Variants in C1GALT1 observed in about 807,000 individuals in gnomAD.
C1GALT1 encodes core 1 synthase, glycoprotein-N-acetylgalactosamine 3-beta-galactosyltransferase 1.
Under a neutral mutation model 31.0 loss-of-function variants are expected in C1GALT1, and 11 were observed. That is an observed-to-expected ratio of 0.36 (90% confidence interval 0.22 to 0.59). The LOEUF (loss-of-function observed/expected upper bound fraction) is 0.59. Among genes scored for constraint, C1GALT1 ranks in the 20% least tolerant of loss-of-function variants. The probability of loss-of-function intolerance (pLI) is 0.79; values close to 1 mark genes in which losing one functional copy is unlikely to be tolerated. For synonymous variants in C1GALT1, 175 were observed against 143.6 expected, an observed-to-expected ratio of 1.22 and a Z score of -1.56; for missense variants, 424 against 425.2, an observed-to-expected ratio of 1.00 and a Z score of 0.03.
intron 2 of C1GALT1, among the ~76,000 whole-genome samples, chr7:7,170,490 A>T (rs62453511): frequency 2.0e-5 from 3 of 152,166 alleles, no homozygotes; most frequent in African/African-American, 7.2e-5. Flanking sequence ...ATTATTAAAC[A>T]TCTTATGTTA....
chr7:7,181,239 G>A (rs1780579029), upstream of C1GALT1, among the ~76,000 whole-genome samples: 1 of 152,104 alleles, frequency 6.6e-6, no homozygotes, highest in South Asian at 2.1e-4. Context: ...AGGATATTGC[G>A]GAAAGGTGGA....
intron 1 of C1GALT1, among the ~76,000 whole-genome samples, chr7:7,187,473 G>C (rs2128230340): frequency 6.6e-6 from 1 of 151,916 alleles, no homozygotes; most frequent in East Asian, 1.9e-4. Context: ...ATGTAAATGT[G>C]AGAAACAGTT....
chr7:7,159,871 A>G (rs1046774672), intron 2 of C1GALT1, among the ~76,000 whole-genome samples: 1 of 152,146 alleles, frequency 6.6e-6, no homozygotes, highest in Non-Finnish European at 1.5e-5. Context: ...CATACTTAAC[A>G]TGTAATGGAA....
intron 3 of C1GALT1, among the ~76,000 whole-genome samples, chr7:7,240,672 T>A (rs1413689356): frequency 1.3e-5 from 2 of 152,136 alleles, no homozygotes; most frequent in Non-Finnish European, 2.9e-5. Context: ...TTGTTCTTTC[T>A]CTAGAAATTT....
intron 1 of C1GALT1, among the ~76,000 whole-genome samples, chr7:7,214,489 G>A (rs972149342): frequency 6.6e-6 from 1 of 152,164 alleles, no homozygotes; most frequent in Non-Finnish European, 1.5e-5. Flanking sequence ...TTTTAATTAA[G>A]CTGAGCACTC....
At chr7:7,198,825 G>A (rs1781410812) in intron 1 of C1GALT1, among the ~76,000 whole-genome samples, 1 of 152,172 alleles carries the variant, frequency 6.6e-6, no homozygotes, top group Admixed American at 6.5e-5. Context: ...TTTGCATCAA[G>A]GTGTTTATAG....
At chr7:7,198,002 C>A (rs1438649977) in intron 1 of C1GALT1, among the ~76,000 whole-genome samples, 1 of 152,180 alleles carries the variant, frequency 6.6e-6, no homozygotes, top group African/African-American at 2.4e-5. Context: ...TTGACTTCCT[C>A]TTTTCCTAAT....
intron 1 of C1GALT1, among the ~76,000 whole-genome samples, chr7:7,215,157 T>C (rs1319362060): frequency 6.6e-6 from 1 of 152,166 alleles, no homozygotes; most frequent in Non-Finnish European, 1.5e-5. Context: ...ATGGAGGCTG[T>C]AGCCAAGTTT....
intron 1 of C1GALT1, among the ~76,000 whole-genome samples, chr7:7,201,473 T>C (rs991113875): frequency 1.3e-5 from 2 of 152,154 alleles, no homozygotes; most frequent in African/African-American, 4.8e-5. Context: ...GAGGAGGCAG[T>C]CTGTCTGTTC....
chr7:7,196,267 C>A (rs57539236), intron 1 of C1GALT1, among the ~76,000 whole-genome samples: 5 of 149,276 alleles, frequency 3.3e-5, no homozygotes, highest in Non-Finnish European at 5.9e-5. Flanking sequence ...CCTGTGTCCA[C>A]GTGTTCTCAT....
At chr7:7,226,688 A>T (rs1037092921) in intron 1 of C1GALT1, among the ~76,000 whole-genome samples, 3 of 150,802 alleles carry the variant, frequency 2.0e-5, no homozygotes, top group Admixed American at 6.6e-5. Context: ...TAGCGCCATT[A>T]AAAAAAACTG....
chr7:7,200,631 A>G (rs1054319503), intron 1 of C1GALT1, among the ~76,000 whole-genome samples: 15 of 152,132 alleles, frequency 9.9e-5, no homozygotes, highest in African/African-American at 3.4e-4. Context: ...TTTCAGGTAC[A>G]CCAATAAGAC....
intron 3 of C1GALT1, among the ~76,000 whole-genome samples, chr7:7,243,062 G>C (rs1470431508): frequency 6.6e-6 from 1 of 152,088 alleles, no homozygotes; most frequent in African/African-American, 2.4e-5. Flanking sequence ...TATAGATGAA[G>C]TGTATTGGGT....
chr7:7,237,870 C>T (rs928253358), intron 2 of C1GALT1, among the ~76,000 whole-genome samples: 23 of 152,144 alleles, frequency 1.5e-4, no homozygotes, highest in Admixed American at 1.4e-3. Context: ...CTATTTAAGG[C>T]AGCATTTAGC....
chr7:7,195,965 T>G (rs1233334868), intron 1 of C1GALT1, among the ~76,000 whole-genome samples: 1 of 152,192 alleles, frequency 6.6e-6, no homozygotes, highest in South Asian at 2.1e-4. Context: ...CAAGTCTGTT[T>G]CGTCTGAAAC....
At chr7:7,204,912 C>G (rs1781672088) in intron 1 of C1GALT1, among the ~76,000 whole-genome samples, 1 of 152,102 alleles carries the variant, frequency 6.6e-6, no homozygotes, top group Non-Finnish European at 1.5e-5. Context: ...TGCTATCTGT[C>G]TTTTAAAATC....
chr7:7,179,218 A>T (rs577979104), upstream of C1GALT1, among the ~76,000 whole-genome samples: 77 of 152,360 alleles, frequency 5.1e-4, no homozygotes, highest in Non-Finnish European at 9.6e-4. Flanking sequence ...GGCATGTTTT[A>T]TAGTCTCCCC....
upstream of C1GALT1, among the ~76,000 whole-genome samples, chr7:7,180,230 C>A (rs1780554993): frequency 6.6e-6 from 1 of 152,160 alleles, no homozygotes; most frequent in Non-Finnish European, 1.5e-5. Context: ...AGTTTTGAGT[C>A]CCACATATAA....
At position 7,245,463 on chromosome 7, in the gene C1GALT1, TCA is replaced by T. The variant is rs1181450986; in HGVS notation, c.*1739_*1740del. ...AAAGTGCTGGGATTACGAGCGTGAG[TCA>T]CAGCACCCGGCTAAGTAATTTCTAT... On this transcript the variant is annotated 3_prime_UTR_variant, in exon 4 of 4. Coordinates refer to ENST00000436587, the MANE Select transcript of C1GALT1 (RefSeq NM_020156.5). The T allele has an allele frequency of 2.6e-5, 4 of 152,168 alleles. No individual in the cohort carries two copies. The highest frequency in any genetic ancestry group is 5.9e-5 in the Non-Finnish European group (4 of 68,036). The allele number at this position is 152,168 out of a possible 1,614,324, so 9.4% of individuals were successfully genotyped here.
Sources: allele counts gnomAD v4.1 joint callset (sites outside exome capture counted in the v4.1 genomes callset), GRCh38; gene constraint gnomAD v4.1.1; transcripts MANE v1.5; gene names NCBI Gene and HGNC (gene_info 2026-07-23, HGNC 2026-07-21).